The following SPATA13 variants were observed in gnomAD, a reference collection of about 807,000 sequenced individuals.
SPATA13 encodes the protein spermatogenesis associated 13.
Under a neutral mutation model 104.0 loss-of-function variants are expected in SPATA13, and 50 were observed. The observed-to-expected ratio is 0.48, with a 90% CI of 0.38 to 0.61. SPATA13 has a LOEUF of 0.61. Among genes scored for constraint, SPATA13 ranks in the 20% least tolerant of loss-of-function variants. The probability of loss-of-function intolerance (pLI) is 0.00; values close to 1 mark genes in which losing one functional copy is unlikely to be tolerated. For missense variants in SPATA13, 1,524 were observed against 1,690.6 expected, an observed-to-expected ratio of 0.90 and a Z score of 1.73; for synonymous variants, 606 against 667.5, an observed-to-expected ratio of 0.91 and a Z score of 1.42.
chr13:24,207,646 TG>T (rs1372397038), intron 1 of SPATA13, among the ~76,000 whole-genome samples: 3 of 152,228 alleles, frequency 2.0e-5, no homozygotes, highest in African/African-American at 7.2e-5. Flanking sequence ...TGGCTAGTGT[TG>T]TTTTTTATCA....
At chr13:23,987,544 A>AT (rs1023855976) in intron 2 of SPATA13, among the ~76,000 whole-genome samples, 11 of 152,064 alleles carry the variant, frequency 7.2e-5, no homozygotes, top group Admixed American at 3.9e-4. Flanking sequence ...TGAATTAAGC[A>AT]TTTTTTTCTC....
chr13:24,091,210 G>T (rs1451894226), intron 3 of SPATA13, among the ~76,000 whole-genome samples: 1 of 152,254 alleles, frequency 6.6e-6, no homozygotes, highest in Non-Finnish European at 1.5e-5. Context: ...AGGTCAGCAA[G>T]AGGCGAGAGA....
intron 3 of SPATA13, among the ~76,000 whole-genome samples, chr13:24,080,525 C>T (rs1031280010): frequency 2.0e-5 from 3 of 152,294 alleles, no homozygotes; most frequent in African/African-American, 7.2e-5. Flanking sequence ...GGGATCACTG[C>T]GCACACACAG....
At chr13:24,056,662 G>A (rs1188575488) in intron 3 of SPATA13, among the ~76,000 whole-genome samples, 3 of 152,202 alleles carry the variant, frequency 2.0e-5, no homozygotes, top group African/African-American at 7.2e-5. Context: ...GTGAATGGAA[G>A]GGATGGCTTC....
At chr13:24,297,161 C>T (rs1232362025) in intron 10 of SPATA13, among the ~76,000 whole-genome samples, 2 of 152,110 alleles carry the variant, frequency 1.3e-5, no homozygotes, top group Non-Finnish European at 2.9e-5. Context: ...GCTTCAGCCT[C>T]CTAAGTAGCT....
At chr13:24,266,092 A>C (rs2138687065) in intron 4 of SPATA13, among the ~76,000 whole-genome samples, 1 of 152,290 alleles carries the variant, frequency 6.6e-6, no homozygotes, top group Non-Finnish European at 1.5e-5. Context: ...TAGAGAGGTC[A>C]AGTGCTGACT....
chr13:24,119,900 CA>C (rs1489464253), intron 3 of SPATA13, among the ~76,000 whole-genome samples: 33 of 152,198 alleles, frequency 2.2e-4, no homozygotes, highest in Admixed American at 2.1e-3. Context: ...TGATAGTAAA[CA>C]CCATGCTGTT....
intron 2 of SPATA13, among the ~76,000 whole-genome samples, chr13:24,244,545 A>G (rs569642077): frequency 3.9e-5 from 6 of 152,344 alleles, no homozygotes; most frequent in Admixed American, 1.3e-4. Context: ...AACATTTAAT[A>G]CTAAGCAAAG....
chr13:24,294,710 G>A, intron 9 of SPATA13, 29 bp from the exon 10 acceptor site: 1 of 1,566,874 alleles, frequency 6.4e-7, no homozygotes. Context: ...TGCATGTTAT[G>A]TGATTAAAAT....
chr13:23,983,570 T>C (rs1875005418), intron 1 of SPATA13, among the ~76,000 whole-genome samples: 2 of 152,208 alleles, frequency 1.3e-5, no homozygotes, highest in African/African-American at 4.8e-5. Context: ...TTCTCATTAG[T>C]ATTTTCTCTT....
At chr13:24,103,929 A>T (rs1366280262) in intron 3 of SPATA13, among the ~76,000 whole-genome samples, 1 of 152,192 alleles carries the variant, frequency 6.6e-6, no homozygotes, top group Non-Finnish European at 1.5e-5. Flanking sequence ...CGCTGCTCAG[A>T]CATGTCACTT....
chr13:24,291,751 TTTTTA>T (rs1566197913), intron 9 of SPATA13, among the ~76,000 whole-genome samples: 2 of 74,378 alleles, frequency 2.7e-5, no homozygotes, highest in African/African-American at 1.0e-4. Flanking sequence ...TTTTTTTATT[TTTTTA>T]TTTTTTTTTT....
At chr13:24,277,127 A>G (rs1376832320) in intron 4 of SPATA13, among the ~76,000 whole-genome samples, 1 of 152,198 alleles carries the variant, frequency 6.6e-6, no homozygotes, top group Non-Finnish European at 1.5e-5. Context: ...ATTTCTTGTG[A>G]CATCATAAAA....
Position 24,302,627 on chromosome 13 carries a change from C to T in SPATA13, c.3688C>T (p.His1230Tyr). The T allele has an allele frequency of 6.2e-7, 1 of 1,612,586 alleles. No homozygotes were observed. ...GYNRCPVAPPHQGLHPIHQRH... is the reference protein window; with the variant it reads ...GYNRCPVAPPYQGLHPIHQRH... Reference sequence around the variant, plus strand: ...CAACAGGTGCCCTGTGGCCCCACCGCACCAGGGCCTGCACCCCATCCACCA... The same window carrying T: ...CAACAGGTGCCCTGTGGCCCCACCGTACCAGGGCCTGCACCCCATCCACCA... The change falls in exon 13 of 13, where the codon CAC becomes TAC. Residue 1230 changes from histidine to tyrosine, a missense_variant. Physicochemically the swap from His to Tyr is moderately conservative, Grantham distance 83 (BLOSUM62 2). Around this residue, in one of 2 missense-constraint regions of SPATA13, gnomAD observed 435 missense variants for 554.8 expected, o/e 0.78. Transcript: ENST00000382108.
intron 2 of SPATA13, among the ~76,000 whole-genome samples, chr13:23,986,876 A>T (rs899090972): frequency 6.6e-6 from 1 of 152,176 alleles, no homozygotes; most frequent in Admixed American, 6.5e-5. Flanking sequence ...GATTGGAAAC[A>T]TCATGGGATC....
At chr13:24,127,206 A>G (rs1881246868) in intron 3 of SPATA13, among the ~76,000 whole-genome samples, 1 of 152,162 alleles carries the variant, frequency 6.6e-6, no homozygotes, top group Non-Finnish European at 1.5e-5. Flanking sequence ...GTAGGAAGCA[A>G]CAGGGACAGA....
At chr13:24,083,973 G>A (rs1879632675) in intron 3 of SPATA13, among the ~76,000 whole-genome samples, 2 of 152,194 alleles carry the variant, frequency 1.3e-5, no homozygotes, top group African/African-American at 4.8e-5. Flanking sequence ...TTTTAGGTGT[G>A]CCGTTTGCAA....
At chr13:24,042,141 C>T (rs889164111) in intron 3 of SPATA13, among the ~76,000 whole-genome samples, 4 of 120,830 alleles carry the variant, frequency 3.3e-5, no homozygotes, top group African/African-American at 1.0e-4. Context: ...CTCTGTGTCA[C>T]GGGAGCGTTG....
intron 3 of SPATA13, among the ~76,000 whole-genome samples, chr13:24,066,119 T>C (rs1257879519): frequency 2.0e-5 from 3 of 152,236 alleles, no homozygotes; most frequent in African/African-American, 7.2e-5. Context: ...CATACCTATA[T>C]TGTACCTTTA....
Sources: allele counts gnomAD v4.1 joint callset (sites outside exome capture counted in the v4.1 genomes callset), GRCh38; gene constraint gnomAD v4.1.1; regional missense constraint gnomAD v4.1.1; transcripts MANE v1.5; gene names NCBI Gene and HGNC (gene_info 2026-07-23, HGNC 2026-07-21).